Variants in ZNF407 observed in about 807,000 individuals in gnomAD.
ZNF407 encodes zinc finger protein 407.
A neutral mutation model predicts 131.2 loss-of-function variants in ZNF407; 17 were observed. The ratio of observed to expected loss-of-function variants is 0.13; its 90% CI spans 0.09 to 0.19. The LOEUF is 0.19. ZNF407 is among the 10% of genes least tolerant of loss of function. The pLI is 1.00. For missense variants in ZNF407, 2,681 were observed against 2,830.6 expected (o/e 0.95, Z 1.20); for synonymous variants, 1,156 against 1,062.0 (o/e 1.09, Z -1.72).
At chr18:74,610,534 T>C (rs979556682) in intron 1 of ZNF407, among the ~76,000 whole-genome samples, 4 of 152,156 alleles carry the variant, frequency 2.6e-5, no homozygotes, top group Non-Finnish European at 5.9e-5. Flanking sequence ...AGAATAGGAC[T>C]TAAATATTTT....
intron 1 of ZNF407, among the ~76,000 whole-genome samples, chr18:74,614,548 T>G (rs1983200959): frequency 6.6e-6 from 1 of 152,146 alleles, no homozygotes; most frequent in South Asian, 2.1e-4. Flanking sequence ...GGATATTCGT[T>G]TTTTTTTGAA....
chr18:74,767,630 T>C (rs1029121393), intron 3 of ZNF407, among the ~76,000 whole-genome samples: 13 of 148,866 alleles, frequency 8.7e-5, no homozygotes, highest in African/African-American at 2.7e-4. Context: ...CAGAATTAGA[T>C]TGTATAATTC....
chr18:74,854,362 A>C (rs1159470462), intron 4 of ZNF407, among the ~76,000 whole-genome samples: 1 of 152,222 alleles, frequency 6.6e-6, no homozygotes, highest in Non-Finnish European at 1.5e-5. Flanking sequence ...TCTTCTAATC[A>C]GCATAGTATG....
chr18:74,989,141 G>A (rs142248188), intron 8 of ZNF407, among the ~76,000 whole-genome samples: 14 of 152,304 alleles, frequency 9.2e-5, no homozygotes, highest in Admixed American at 5.9e-4. Context: ...GTAAGAAAAA[G>A]GCCTGAACTA....
Position 74,634,226 on chromosome 18 carries a change from G to A in ZNF407, c.3207G>A (p.Lys1069=), listed in dbSNP as rs1265110573. ...TGACCAGGCATGCAGCAACAGAGAA[G>A]CACAAAATGAAAAGGCAGTCTTATC... The part of the protein sequence containing the change: ...REMTRHAATE[K]HKMKRQSYLN... The change falls in exon 2 of 9, where the codon AAG becomes AAA. Residue 1069 remains lysine, a synonymous_variant. Transcript: ENST00000299687. The A allele has an allele frequency of 5.0e-6, 8 of 1,614,058 alleles. No individual in the cohort carries two copies. The highest frequency in any genetic ancestry group is 1.1e-5 in the South Asian group (1 of 91,090).
intron 8 of ZNF407, among the ~76,000 whole-genome samples, chr18:74,930,491 A>T (rs980149435): frequency 6.6e-6 from 1 of 152,106 alleles, no homozygotes; most frequent in African/African-American, 2.4e-5. Context: ...GACATCCATT[A>T]GTTTATCCTG....
chr18:74,727,178 A>C (rs1785990184), intron 3 of ZNF407, among the ~76,000 whole-genome samples: 1 of 152,202 alleles, frequency 6.6e-6, no homozygotes, highest in Non-Finnish European at 1.5e-5. Context: ...ATCATCATGA[A>C]AACGGTGAAG....
intron 3 of ZNF407, among the ~76,000 whole-genome samples, chr18:74,718,480 T>A (rs190190270): frequency 1.3e-4 from 19 of 151,986 alleles, no homozygotes; most frequent in Admixed American, 5.9e-4. Flanking sequence ...GCTGTGATCA[T>A]GATATTGCAT....
intron 3 of ZNF407, among the ~76,000 whole-genome samples, chr18:74,646,994 A>G (rs993117855): frequency 2.0e-5 from 3 of 152,254 alleles, no homozygotes; most frequent in African/African-American, 7.2e-5. Context: ...CAAAATAGAA[A>G]TAAACTAAAT....
At chr18:74,692,101 T>A (rs1259087391) in intron 3 of ZNF407, among the ~76,000 whole-genome samples, 4 of 151,492 alleles carry the variant, frequency 2.6e-5, no homozygotes, top group Non-Finnish European at 5.9e-5. Flanking sequence ...CTCAAAAAAA[T>A]AAAAAATGTG....
chr18:74,730,743 A>G (rs1315206296), intron 3 of ZNF407, among the ~76,000 whole-genome samples: 1 of 152,096 alleles, frequency 6.6e-6, no homozygotes, highest in African/African-American at 2.4e-5. Context: ...TTTTCTCACT[A>G]TTTTCCAAAG....
chr18:74,964,057 C>G (rs1438412745), intron 8 of ZNF407, among the ~76,000 whole-genome samples: 3 of 152,184 alleles, frequency 2.0e-5, no homozygotes, highest in Non-Finnish European at 4.4e-5. Flanking sequence ...CTTGTCAGTG[C>G]CTGAAACCTC....
At chr18:74,796,515 T>C (rs912739792) in intron 4 of ZNF407, among the ~76,000 whole-genome samples, 1 of 152,212 alleles carries the variant, frequency 6.6e-6, no homozygotes, top group Non-Finnish European at 1.5e-5. Context: ...AGTATAGTAA[T>C]GTCGAAGGAC....
intron 8 of ZNF407, among the ~76,000 whole-genome samples, chr18:74,934,783 G>A (rs992870820): frequency 3.3e-5 from 5 of 152,210 alleles, no homozygotes; most frequent in South Asian, 2.1e-4. Context: ...TCCAGCCTGG[G>A]CGACAGAGCG....
Position 74,828,709 on chromosome 18 carries a change from G to T in ZNF407, c.4877+47207G>T, listed in dbSNP as rs139313631. Among the ~76,000 whole-genome samples the T allele has an allele frequency of 1.8e-3, 270 of 152,278 alleles. 1 individual carries two copies. Among genetic ancestry groups the T allele is most frequent in the African/African-American group, 5.4e-3 (225 of 41,560 alleles). On this transcript the variant is annotated intron_variant, in intron 4 of 8. Coordinates refer to ENST00000299687, the MANE Select transcript of ZNF407 (RefSeq NM_017757.3). ...CCTTTTTCAGAAACCTAGAGTGGGA[G>T]CCATGTTTCAGTTTTCATGTGTCTC...
At chr18:75,019,959 C>G (rs1363704481) in intron 8 of ZNF407, among the ~76,000 whole-genome samples, 2 of 152,068 alleles carry the variant, frequency 1.3e-5, no homozygotes, top group Non-Finnish European at 2.9e-5. Flanking sequence ...GGTCCCTCCC[C>G]CAACATTGGG....
intron 3 of ZNF407, among the ~76,000 whole-genome samples, chr18:74,749,966 T>A (rs1968760488): frequency 6.6e-6 from 1 of 152,284 alleles, no homozygotes; most frequent in Non-Finnish European, 1.5e-5. Flanking sequence ...AAGAGAGGCC[T>A]AAATTCACTG....
chr18:74,947,740 A>G (rs895971932), intron 8 of ZNF407, among the ~76,000 whole-genome samples: 2 of 152,226 alleles, frequency 1.3e-5, no homozygotes, highest in African/African-American at 4.8e-5. Flanking sequence ...ACAGGTAGGC[A>G]GGACCTGTGC....
chr18:75,041,930 C>A (rs1973378605), intron 8 of ZNF407, among the ~76,000 whole-genome samples: 1 of 152,222 alleles, frequency 6.6e-6, no homozygotes, highest in African/African-American at 2.4e-5. Context: ...ACACTAAGCC[C>A]AGCCTGGTAG....
Sources: gnomAD v4.1 joint callset for allele counts (sites outside exome capture counted in the v4.1 genomes callset) on GRCh38, gnomAD v4.1.1 for gene constraint, MANE v1.5 for transcripts, NCBI Gene and HGNC (gene_info 2026-07-23, HGNC 2026-07-21) for gene names.